Variants in PCDH7 observed in about 807,000 individuals in gnomAD.
PCDH7 encodes the protein protocadherin-7.
PCDH7 carries 17 observed loss-of-function variants against 58.9 expected under a neutral mutation model. That is an observed-to-expected ratio of 0.29 (90% CI 0.20 to 0.43). The LOEUF is 0.43. PCDH7 is among the 20% of genes least tolerant of loss of function. The pLI is 1.00. For missense variants in PCDH7, 1,274 were observed against 1,441.0 expected, an observed-to-expected ratio of 0.88 and a Z score of 1.88; for synonymous variants, 664 against 616.4, an observed-to-expected ratio of 1.08 and a Z score of -1.14.
chr4:30,783,295 A>G (rs1261833900), intron 1 of PCDH7: 1 of 152,196 alleles, frequency 6.6e-6, no homozygotes, highest in African/African-American at 2.4e-5. Context: ...AAAAATTAAC[A>G]TCAACTTCCT....
intron 3 of PCDH7, among the ~76,000 whole-genome samples, chr4:31,035,247 C>CTTTTT (rs35099580): frequency 1.6e-3 from 159 of 99,358 alleles, no homozygotes; most frequent in Non-Finnish European, 1.9e-3. Context: ...CCTTTTTTCC[C>CTTTTT]TTTTTTTTTT....
intron 3 of PCDH7, among the ~76,000 whole-genome samples, chr4:31,052,205 A>G (rs2109222451): frequency 6.6e-6 from 1 of 152,290 alleles, no homozygotes; most frequent in African/African-American, 2.4e-5. Context: ...TTCCTTATCG[A>G]CTTTAGTTTA....
At chr4:30,853,352 G>A (rs1020201889) in intron 1 of PCDH7, among the ~76,000 whole-genome samples, 19 of 152,046 alleles carry the variant, frequency 1.2e-4, no homozygotes, top group Admixed American at 7.9e-4. Flanking sequence ...TAGATATTTA[G>A]GAAATGCTAT....
rs71190491 is a variant in PCDH7 at position 31,108,369 on chromosome 4, T to TAAAAA, written c.*8-34068_*8-34064dup. ...GTAGACTGTAACATACAGCATACAGTAAAAAAAAAAAAAAAAAAAAAAAAA... is the reference window on the plus strand; with the variant it reads ...GTAGACTGTAACATACAGCATACAGTAAAAAAAAAAAAAAAAAAAAAAAAAAAAAA... On this transcript the variant is annotated intron_variant, in intron 3 of 3. Coordinates refer to the PCDH7 transcript ENST00000509759. Among the ~76,000 whole-genome samples, 103 of 60,066 alleles carry TAAAAA rather than the reference T, an allele frequency of 1.7e-3. 5 individuals are homozygous for TAAAAA. Among genetic ancestry groups the TAAAAA allele is most frequent in the Non-Finnish European group, 2.5e-3 (68 of 27,002 alleles). 39.4% of individuals were successfully genotyped at this position (60,066 alleles called of 152,430 possible). A position where few individuals can be genotyped will look rare whatever the true frequency, so the allele number is the denominator to read the frequency against.
At chr4:30,814,434 T>G (rs1727417636) in intron 1 of PCDH7, among the ~76,000 whole-genome samples, 1 of 152,140 alleles carries the variant, frequency 6.6e-6, no homozygotes, top group African/African-American at 2.4e-5. Context: ...TTTAGTTTAT[T>G]TTACTCTTCA....
chr4:30,847,857 C>A (rs1037165536), intron 1 of PCDH7, among the ~76,000 whole-genome samples: 1 of 152,042 alleles, frequency 6.6e-6, no homozygotes, highest in South Asian at 2.1e-4. Context: ...CATATTGGTA[C>A]TACTGTTGAA....
At chr4:30,868,823 A>G (rs906814619) in intron 1 of PCDH7, among the ~76,000 whole-genome samples, 1 of 152,094 alleles carries the variant, frequency 6.6e-6, no homozygotes, top group Non-Finnish European at 1.5e-5. Flanking sequence ...ATATGCTGAC[A>G]GATGTTTCTG....
Position 31,079,189 on chromosome 4 carries a change from G to A in PCDH7, c.*8-63284G>A, listed in dbSNP as rs538607052. On this transcript the variant is annotated intron_variant, in intron 3 of 3. Coordinates refer to the PCDH7 transcript ENST00000509759. ...AGACACTAAAAGTGAAAATTACAAAGAATATATATTTATTAAATTTGACCT... is the reference window on the plus strand; with the variant it reads ...AGACACTAAAAGTGAAAATTACAAAAAATATATATTTATTAAATTTGACCT... 3.8e-4 allele frequency among the ~76,000 whole-genome samples: 56 copies of A among 148,836 alleles called. 1 individual carries two copies. The highest frequency in any genetic ancestry group is 1.3e-3 in the African/African-American group (53 of 40,650).
chr4:30,959,650 A>G (rs943492241), intron 3 of PCDH7, among the ~76,000 whole-genome samples: 1 of 152,166 alleles, frequency 6.6e-6, no homozygotes, highest in African/African-American at 2.4e-5. Flanking sequence ...CATTAAATCA[A>G]TTTTAAAGTG....
At chr4:30,725,676 AC>A (rs1714516824) in intron 1 of PCDH7, among the ~76,000 whole-genome samples, 1 of 152,212 alleles carries the variant, frequency 6.6e-6, no homozygotes, top group East Asian at 1.9e-4. Flanking sequence ...CGTATTTCTT[AC>A]TGTCAGAACC....
At chr4:30,797,925 A>G (rs1173827878) in intron 1 of PCDH7, among the ~76,000 whole-genome samples, 1 of 152,192 alleles carries the variant, frequency 6.6e-6, no homozygotes, top group African/African-American at 2.4e-5. Flanking sequence ...ACGTTTATAT[A>G]CATATATGTC....
At chr4:31,014,037 C>G (rs564755326) in intron 3 of PCDH7, among the ~76,000 whole-genome samples, 1 of 151,870 alleles carries the variant, frequency 6.6e-6, no homozygotes. Flanking sequence ...ATAAAATAGA[C>G]AAATAATTAT....
At chr4:31,085,830 G>A (rs921284047) in intron 3 of PCDH7, among the ~76,000 whole-genome samples, 2 of 148,934 alleles carry the variant, frequency 1.3e-5, no homozygotes, top group Non-Finnish European at 3.0e-5. Context: ...ATACACATCA[G>A]ACTCTTTTCT....
chr4:30,816,169 T>G (rs1337030635), intron 1 of PCDH7, among the ~76,000 whole-genome samples: 1 of 152,308 alleles, frequency 6.6e-6, no homozygotes, highest in Middle Eastern at 3.4e-3. Flanking sequence ...GTAATATATC[T>G]AGTTAAATTA....
chr4:31,119,063 A>C (rs1717338698), intron 3 of PCDH7, among the ~76,000 whole-genome samples: 1 of 151,990 alleles, frequency 6.6e-6, no homozygotes, highest in Non-Finnish European at 1.5e-5. Context: ...TCTTGCTAAG[A>C]CCATAGTTTT....
intron 1 of PCDH7, among the ~76,000 whole-genome samples, chr4:30,873,100 A>G (rs1735830268): frequency 6.6e-6 from 1 of 152,028 alleles, no homozygotes; most frequent in African/African-American, 2.4e-5. Context: ...TCTTTTTGTG[A>G]TTTATCAGTT....
intron 3 of PCDH7, among the ~76,000 whole-genome samples, chr4:31,037,762 C>T (rs958074286): frequency 6.6e-6 from 1 of 152,186 alleles, no homozygotes. Flanking sequence ...TCTCACTTCT[C>T]CCACCCCTTC....
intron 3 of PCDH7, among the ~76,000 whole-genome samples, chr4:30,988,243 C>T (rs1355963891): frequency 6.6e-6 from 1 of 152,126 alleles, no homozygotes; most frequent in East Asian, 1.9e-4. Context: ...GCAGAAAACA[C>T]ATTATTTTGG....
intron 1 of PCDH7, among the ~76,000 whole-genome samples, chr4:30,750,814 T>C (rs763195081): frequency 2.0e-5 from 3 of 151,988 alleles, no homozygotes. Flanking sequence ...CGAAAGACAG[T>C]CATATGAACA....
Sources: gnomAD v4.1 joint callset for allele counts (sites outside exome capture counted in the v4.1 genomes callset) on GRCh38, gnomAD v4.1.1 for gene constraint, MANE v1.5 for transcripts, NCBI Gene and HGNC (gene_info 2026-07-23, HGNC 2026-07-21) for gene names.